OR6C3: variants seen among roughly 807,000 people sequenced by gnomAD.
The protein encoded by OR6C3 is olfactory receptor 6C3.
For missense variants in OR6C3, 487 were observed against 364.6 expected, an observed-to-expected ratio of 1.34 and a Z score of -2.73; for synonymous variants, 177 against 137.4, an observed-to-expected ratio of 1.29 and a Z score of -2.02.
rs754614936 is a variant in OR6C3 at position 55,332,058 on chromosome 12, T to C, written c.358T>C (p.Tyr120His). 3 of 1,614,170 alleles carry C rather than the reference T, an allele frequency of 1.9e-6. No homozygotes were observed. The highest frequency in any genetic ancestry group is 1.7e-6 in the Non-Finnish European group (2 of 1,180,010). Residue 120 changes from tyrosine to histidine, a missense_variant, in exon 2 of 2, where the codon TAT becomes CAT. Coordinates refer to ENST00000641740, the MANE Select transcript of OR6C3 (RefSeq NM_001388498.1). ...TTTAACTGCCATGTCCTATGACCGC[T>C]ATGTTGCCATCTGCAAGCCCCTTCA... ...YILTAMSYDRYVAICKPLHYT... is the reference protein window; with the variant it reads ...YILTAMSYDRHVAICKPLHYT...
Position 55,332,072 on chromosome 12 carries a change from C to G in OR6C3, c.372C>G (p.Cys124Trp). The G allele has an allele frequency of 6.2e-7, 1 of 1,614,130 alleles. No individual in the cohort carries two copies. Among genetic ancestry groups the G allele is most frequent in the Non-Finnish European group, 8.5e-7 (1 of 1,180,010 alleles). Residue 124 changes from cysteine (C) to tryptophan (W), a missense_variant, in exon 2 of 2, where the codon TGC (cysteine) becomes TGG (tryptophan). Physicochemically the swap from Cys to Trp is radical, Grantham distance 215. Coordinates refer to ENST00000641740, the MANE Select transcript of OR6C3 (RefSeq NM_001388498.1). ...CCTATGACCGCTATGTTGCCATCTG[C>G]AAGCCCCTTCATTACACATCCATCA... ...AMSYDRYVAI[C>W]KPLHYTSIMN...
At position 55,331,988 on chromosome 12, in the gene OR6C3, C is replaced by T. The variant is rs1410763804; in HGVS notation, c.288C>T (p.Ala96=). The T allele has an allele frequency of 6.2e-7, 1 of 1,613,976 alleles. No individual in the cohort carries two copies. Among genetic ancestry groups the T allele is most frequent in the East Asian group, 2.2e-5 (1 of 44,890 alleles). Residue 96 remains alanine (A), a synonymous_variant, in exon 2 of 2, where the codon GCC becomes GCT. Coordinates refer to ENST00000641740, the MANE Select transcript of OR6C3 (RefSeq NM_001388498.1). ...NKTISYNNCA[A]QLFFFIFMGV... is the part of the protein sequence containing the mutation. ...CTATTTCCTATAACAACTGTGCAGC[C>T]CAACTCTTTTTCTTTATCTTCATGG...
rs1868854999 is a variant in OR6C3, at chr12:55,331,721, A to T, written c.21A>T (p.Thr7=). ...GAGACATGAACCACACAATGGTCAC[A>T]GAGTTTGTCCTCCTGGGCCTTTCTG... MNHTMV[T]EFVLLGLSDD... Residue 7 remains threonine (T), a synonymous_variant, in exon 2 of 2, where the codon ACA becomes ACT. Transcript: ENST00000641740. The T allele has an allele frequency of 3.1e-6, 5 of 1,612,504 alleles. No homozygotes were observed. The South Asian group carries it at 5.5e-5, about 18-fold the overall frequency.
At chr12:55,331,624 T>C in intron 1 of OR6C3, 33 bp from the exon 2 acceptor site, 1 of 882,356 alleles carries the variant, frequency 1.1e-6, no homozygotes, top group South Asian at 1.8e-5. Flanking sequence ...TCTATTTTCC[T>C]TAATTATCAT....
rs1294407271 is a variant in OR6C3 at position 55,332,227 on chromosome 12, G to C, written c.527G>C (p.Cys176Ser). 1.2e-6 allele frequency: 2 copies of C among 1,614,114 alleles called. No individual in the cohort carries two copies. The highest frequency in any genetic ancestry group is 3.3e-5 in the Admixed American group (2 of 60,018). The change falls in exon 2 of 2, where the codon TGT (cysteine) becomes TCT (serine). Residue 176 changes from cysteine to serine, a missense_variant. Cys to Ser is a moderately radical substitution (Grantham distance 112). Transcript: ENST00000641740. The stretch of plus-strand genomic sequence containing the variant: ...TCCAACGTCATTGATCACTTTGCAT[G>C]TGACTATTTTCCCCTCTTACAACTA... ...CASNVIDHFACDYFPLLQLSC... is the reference protein window; with the variant it reads ...CASNVIDHFASDYFPLLQLSC...
Position 55,331,642 on chromosome 12 carries a change from A to C in OR6C3, c.-44-15A>C. 1 of 1,102,022 alleles carries C rather than the reference A, an allele frequency of 9.1e-7. No homozygotes were observed. The highest frequency in any genetic ancestry group is 1.3e-6 in the Non-Finnish European group (1 of 755,874). The allele number at this position is 1,102,022 out of a possible 1,614,324, so 68.3% of individuals were successfully genotyped here. A position where few individuals can be genotyped will look rare whatever the true frequency, so the allele number is the denominator to read the frequency against. On this transcript the variant is annotated splice_polypyrimidine_tract_variant and intron_variant, in intron 1 of 1. Transcript: ENST00000641740. The stretch of plus-strand genomic sequence containing the variant: ...ATTTTCCTTAATTATCATTCTACCA[A>C]AATATCTTTAAAAGAACAAAAAGGA...
rs538142290 is a variant in OR6C3 at position 55,332,403 on chromosome 12, T to G, written c.703T>G (p.Phe235Val). The G allele has an allele frequency of 2.7e-5, 44 of 1,614,028 alleles. No individual in the cohort carries two copies. In the East Asian group the frequency reaches 6.9e-4, roughly 25 times the overall value. The change falls in exon 2 of 2, where the codon TTC (phenylalanine) becomes GTC (valine). Residue 235 changes from phenylalanine (F) to valine (V), a missense_variant. Phe to Val is a conservative substitution (Grantham distance 50). Coordinates refer to ENST00000641740, the MANE Select transcript of OR6C3 (RefSeq NM_001388498.1). ...GTCTGCCAGTCAAAGAAAAAAGGCT[T>G]TCTCCACTTGTTCTTCTCACATGAT... ...IPSASQRKKA[F>V]STCSSHMIVI...
At chr12:55,331,510 AT>A (rs1225411051) in intron 1 of OR6C3, 146 bp from the exon 2 acceptor site, 2 of 481,966 alleles carry the variant, frequency 4.1e-6, no homozygotes, top group Non-Finnish European at 7.2e-6. Context: ...TTAGAAAAAA[AT>A]ATTAAAACAT....
At position 55,332,459 on chromosome 12, in the gene OR6C3, A is replaced by C; in HGVS notation, c.759A>C (p.Ile253=). The part of the protein sequence containing the change: ...IVISISYGSC[I]FMYANPSAKE... ...TTTCCATTTCTTATGGAAGCTGTAT[A>C]TTCATGTATGCTAATCCATCTGCAA... The change falls in exon 2 of 2, where the codon ATA becomes ATC. Residue 253 remains isoleucine (I), a synonymous_variant. Coordinates refer to ENST00000641740, the MANE Select transcript of OR6C3 (RefSeq NM_001388498.1). 1.2e-6 allele frequency: 2 copies of C among 1,614,064 alleles called. No individual in the cohort carries two copies. Among genetic ancestry groups the C allele is most frequent in the South Asian group, 2.2e-5 (2 of 91,084 alleles).
chr12:55,330,686 G>A (rs1868811981), upstream of OR6C3: 1 of 152,266 alleles, frequency 6.6e-6, no homozygotes, highest in Middle Eastern at 3.4e-3. Flanking sequence ...AGGAAGAATG[G>A]TCTTATGTGG....
exon 2 of OR6C3, chr12:55,332,631 C>CAATG: frequency 6.4e-7 from 1 of 1,558,940 alleles, no homozygotes; most frequent in South Asian, 1.2e-5. Context: ...TTATGCAAAT[C>CAATG]AATGAATTTT....
Position 55,331,963 on chromosome 12 carries a change from C to T in OR6C3, c.263C>T (p.Thr88Ile), listed in dbSNP as rs755859981. The stretch of plus-strand genomic sequence containing the variant: ...GGGGCAATTATCACCAGGAATAAGA[C>T]TATTTCCTATAACAACTGTGCAGCC... The part of the protein sequence containing the change: ...FLGAIITRNK[T>I]ISYNNCAAQL... Residue 88 changes from threonine (T) to isoleucine (I), a missense_variant, in exon 2 of 2, where the codon ACT becomes ATT. By Grantham distance (89) the Thr-to-Ile change is moderately conservative. Transcript: ENST00000641740. 1 of 1,614,148 alleles carries T rather than the reference C, an allele frequency of 6.2e-7. No homozygotes were observed. The highest frequency in any genetic ancestry group is 1.1e-5 in the South Asian group (1 of 91,088).
chr12:55,331,614 T>G, intron 1 of OR6C3, 43 bp from the exon 2 acceptor site: 1 of 781,636 alleles, frequency 1.3e-6, no homozygotes, highest in East Asian at 2.6e-5. Flanking sequence ...ATATCTTTTA[T>G]CTATTTTCCT....
rs754080339 is a variant in OR6C3, at chr12:55,331,796, T to C, written c.96T>C (p.Tyr32=). The C allele has an allele frequency of 1.2e-6, 2 of 1,613,538 alleles. No individual in the cohort carries two copies. Among genetic ancestry groups the C allele is most frequent in the Non-Finnish European group, 1.7e-6 (2 of 1,179,438 alleles). The change falls in exon 2 of 2, where the codon TAT becomes TAC. Residue 32 remains tyrosine, a synonymous_variant. Transcript: ENST00000641740. Reference sequence around the variant, plus strand: ...TTTTTCTCTTTTTATTTATCACGTATATATTAAGTGTTACTGGAAACCTGA... The same window carrying C: ...TTTTTCTCTTTTTATTTATCACGTACATATTAAGTGTTACTGGAAACCTGA... ...IVIFLFLFIT[Y]ILSVTGNLTI...
In OR6C3 at chr12:55,332,048, C is replaced by T; in HGVS notation, c.348C>T (p.Ser116=). 6.2e-7 allele frequency: 1 copy of T among 1,614,132 alleles called. No individual in the cohort carries two copies. The highest frequency in any genetic ancestry group is 8.5e-7 in the Non-Finnish European group (1 of 1,180,008). The change falls in exon 2 of 2, where the codon TCC becomes TCT. Residue 116 remains serine (S), a synonymous_variant. Transcript: ENST00000641740. ...AATTTTACATTTTAACTGCCATGTC[C>T]TATGACCGCTATGTTGCCATCTGCA... The part of the protein sequence containing the change: ...VTEFYILTAM[S]YDRYVAICKP...
chr12:55,331,543 A>T, intron 1 of OR6C3, 114 bp from the exon 2 acceptor site: 1 of 542,574 alleles, frequency 1.8e-6, no homozygotes, highest in Non-Finnish European at 3.2e-6. Flanking sequence ...GATAGTCAAA[A>T]CTGTCAGACT....
chr12:55,330,119 C>T (rs909157986), upstream of OR6C3: 13 of 152,106 alleles, frequency 8.5e-5, no homozygotes, highest in African/African-American at 2.7e-4. Flanking sequence ...GAGATCAAAT[C>T]TTTTGAGGTC....
chr12:55,331,971 T>C lies in OR6C3; in HGVS notation c.271T>C (p.Tyr91His). 1 of 1,614,200 alleles carries C rather than the reference T, an allele frequency of 6.2e-7. No individual in the cohort carries two copies. Among genetic ancestry groups the C allele is most frequent in the Non-Finnish European group, 8.5e-7 (1 of 1,180,036 alleles). The change falls in exon 2 of 2, where the codon TAT becomes CAT. Residue 91 changes from tyrosine to histidine, a missense_variant. Transcript: ENST00000641740. The part of the protein sequence containing the change: ...AIITRNKTIS[Y>H]NNCAAQLFFF... Reference sequence around the variant, plus strand: ...TATCACCAGGAATAAGACTATTTCCTATAACAACTGTGCAGCCCAACTCTT... The same window carrying C: ...TATCACCAGGAATAAGACTATTTCCCATAACAACTGTGCAGCCCAACTCTT...
chr12:55,332,296 T>G lies in OR6C3; in HGVS notation c.596T>G (p.Phe199Cys). The change falls in exon 2 of 2, where the codon TTT (phenylalanine) becomes TGT (cysteine). Residue 199 changes from phenylalanine (F) to cysteine (C), a missense_variant. Phe to Cys is a radical substitution (Grantham distance 205). Transcript: ENST00000641740. ...CTCCTAGAAGTAATTGGTTTTTACTTTGCTTTGGTTACTTTGCTGTTCACT... is the reference window on the plus strand; with the variant it reads ...CTCCTAGAAGTAATTGGTTTTTACTGTGCTTTGGTTACTTTGCTGTTCACT... ...TWLLEVIGFY[F>C]ALVTLLFTLA... is the part of the protein sequence containing the mutation. The G allele has an allele frequency of 6.2e-7, 1 of 1,614,116 alleles. No individual in the cohort carries two copies. Among genetic ancestry groups the G allele is most frequent in the Non-Finnish European group, 8.5e-7 (1 of 1,180,008 alleles).
Sources: gnomAD v4.1 joint callset for allele counts on GRCh38, gnomAD v4.1.1 for gene constraint, MANE v1.5 for transcripts, NCBI Gene and HGNC (gene_info 2026-07-23, HGNC 2026-07-21) for gene names.